MRTFB: variants seen among roughly 807,000 people sequenced by gnomAD.
The protein encoded by MRTFB is myocardin related transcription factor B.
Under a neutral mutation model 104.2 loss-of-function variants are expected in MRTFB, and 29 were observed. The ratio of observed to expected loss-of-function variants is 0.28; its 90% CI spans 0.21 to 0.38. The LOEUF (loss-of-function observed/expected upper bound fraction) is 0.38, where lower values mean the gene tolerates loss of function less well. MRTFB is among the 10% of genes least tolerant of loss of function. The probability of loss-of-function intolerance (pLI) is 1.00; values close to 1 mark genes in which losing one functional copy is unlikely to be tolerated. For synonymous variants in MRTFB, 535 were observed against 519.5 expected (o/e 1.03, Z -0.41); for missense variants, 1,270 against 1,341.6 (o/e 0.95, Z 0.83).
intron 13 of MRTFB, 118 bp downstream of exon 13, chr16:14,249,199 C>G: frequency 3.3e-6 from 4 of 1,210,536 alleles, no homozygotes; most frequent in Non-Finnish European, 4.6e-6. Context: ...TTTCTGTGAT[C>G]CATCTCCCAT....
At chr16:14,063,954 T>C in the MRTFB span, among the ~76,000 whole-genome samples, 9,623 of 152,308 alleles carry the variant, frequency 0.063, 940 homozygotes, top group African/African-American at 0.21. Flanking sequence ...CATGTGTTTT[T>C]ATGGCAGAAT....
chr16:14,152,703 C>G (rs1431789701), intron 3 of MRTFB: 1 of 152,144 alleles, frequency 6.6e-6, no homozygotes, highest in Non-Finnish European at 1.5e-5. Flanking sequence ...GTGGTCTCAT[C>G]TGAAGTCTGT....
chr16:14,210,403 C>A, intron 4 of MRTFB, 95 bp downstream of exon 4: 1 of 889,642 alleles, frequency 1.1e-6, no homozygotes, highest in Non-Finnish European at 1.7e-6. Context: ...TCAGTTGTAT[C>A]CATTTAATCA....
intron 3 of MRTFB, among the ~76,000 whole-genome samples, chr16:14,191,436 T>C (rs1298968423): frequency 1.3e-5 from 2 of 152,212 alleles, no homozygotes; most frequent in Non-Finnish European, 2.9e-5. Context: ...TCTTCTCTCC[T>C]GTATATTCCC....
At chr16:14,076,038 T>G (rs907753724) in intron 1 of MRTFB, among the ~76,000 whole-genome samples, 1 of 152,184 alleles carries the variant, frequency 6.6e-6, no homozygotes, top group Admixed American at 6.5e-5. Context: ...GTCTTTTTTT[T>G]GTATAGATGC....
chr16:14,194,089 C>T (rs1451248421), intron 3 of MRTFB, among the ~76,000 whole-genome samples: 4 of 152,242 alleles, frequency 2.6e-5, no homozygotes, highest in East Asian at 3.9e-4. Context: ...TTGGGTTTTC[C>T]GTTGTTTCCT....
chr16:14,006,114 G>A, the MRTFB span, among the ~76,000 whole-genome samples: 7 of 152,052 alleles, frequency 4.6e-5, no homozygotes, highest in South Asian at 2.1e-4. Context: ...AGGCTGAAGC[G>A]GGTGGATCAC....
At chr16:14,066,048 T>C in the MRTFB span, among the ~76,000 whole-genome samples, 1 of 152,176 alleles carries the variant, frequency 6.6e-6, no homozygotes, top group South Asian at 2.1e-4. Context: ...ATAAATGCCA[T>C]GAAAGCATGG....
chr16:14,251,719 A>T (rs1597380663), intron 13 of MRTFB, 143 bp from the exon 14 acceptor site: 1 of 787,176 alleles, frequency 1.3e-6, no homozygotes, highest in African/African-American at 1.7e-5. Context: ...AACAGAGGCC[A>T]GGTGACCCAC....
At chr16:14,076,383 T>C (rs1328522343) in intron 1 of MRTFB, among the ~76,000 whole-genome samples, 1 of 152,136 alleles carries the variant, frequency 6.6e-6, no homozygotes, top group Non-Finnish European at 1.5e-5. Context: ...TTAGTAGAGA[T>C]GGCGTTTCTC....
chr16:14,033,103 C>A, the MRTFB span, among the ~76,000 whole-genome samples: 13 of 152,066 alleles, frequency 8.5e-5, no homozygotes, highest in African/African-American at 3.1e-4. Context: ...TGGCTCCCAT[C>A]AGGCCCTTGC....
At chr16:14,218,410 CCACACGTTGCCTCTGCCTGATATTTCTG>C (rs1379112156) in intron 7 of MRTFB, among the ~76,000 whole-genome samples, 4 of 152,102 alleles carry the variant, frequency 2.6e-5, no homozygotes, top group Non-Finnish European at 5.9e-5. Context: ...CAAACAAGGT[CCACACGTTGCCTCTGCCTGATATTTCTG>C]TTAAATCTTA....
the MRTFB span, among the ~76,000 whole-genome samples, chr16:14,017,637 A>G: frequency 1.3e-3 from 41 of 31,038 alleles, 3 homozygotes; most frequent in South Asian, 4.1e-3. Context: ...ATATATATAT[A>G]TATGTATATA....
chr16:14,100,398 T>C (rs2035635299), intron 2 of MRTFB, among the ~76,000 whole-genome samples: 1 of 152,216 alleles, frequency 6.6e-6, no homozygotes, highest in Non-Finnish European at 1.5e-5. Flanking sequence ...TAGGGTGAAT[T>C]GTATTGTGTA....
In MRTFB at chr16:14,251,902, A is replaced by T; in HGVS notation, c.2444A>T (p.Tyr815Phe). ...NSASSNTVLPYQRHPAPAVQQ... is the reference protein window; with the variant it reads ...NSASSNTVLPFQRHPAPAVQQ... Reference sequence around the variant, plus strand: ...GCATCATCAAATACAGTTCTTCCATATCAGAGACATCCTGCCCCAGCTGTC... The same window carrying T: ...GCATCATCAAATACAGTTCTTCCATTTCAGAGACATCCTGCCCCAGCTGTC... The change falls in exon 14 of 17, where the codon TAT (tyrosine) becomes TTT (phenylalanine). Residue 815 changes from tyrosine (Y) to phenylalanine (F), a missense_variant. Physicochemically the swap from Tyr to Phe is conservative, Grantham distance 22. Transcript: ENST00000571589. 6.2e-7 allele frequency: 1 copy of T among 1,614,242 alleles called. No individual in the cohort carries two copies. The highest frequency in any genetic ancestry group is 8.5e-7 in the Non-Finnish European group (1 of 1,180,038).
the MRTFB span, among the ~76,000 whole-genome samples, chr16:14,018,117 T>C: frequency 6.6e-6 from 1 of 152,042 alleles, no homozygotes; most frequent in Non-Finnish European, 1.5e-5. Flanking sequence ...TCCATGTGCC[T>C]CCTGAAATCC....
chr16:14,043,827 C>G, the MRTFB span, among the ~76,000 whole-genome samples: 47,031 of 152,152 alleles, frequency 0.31, 8,807 homozygotes, highest in Non-Finnish European at 0.41. Flanking sequence ...GAACCTTGTG[C>G]TAGGCACACG....
the MRTFB span, among the ~76,000 whole-genome samples, chr16:14,028,911 T>G: frequency 6.6e-6 from 1 of 152,110 alleles, no homozygotes; most frequent in Non-Finnish European, 1.5e-5. Flanking sequence ...GTGGAGAAGG[T>G]TGGCCCCAGC....
At chr16:14,215,357 A>T (rs2041370905) in intron 6 of MRTFB, among the ~76,000 whole-genome samples, 1 of 152,196 alleles carries the variant, frequency 6.6e-6, no homozygotes, top group Non-Finnish European at 1.5e-5. Context: ...CTGTATTTTA[A>T]CATTAACCCG....
Sources: gnomAD v4.1 joint callset for allele counts (sites outside exome capture counted in the v4.1 genomes callset) on GRCh38, gnomAD v4.1.1 for gene constraint, MANE v1.5 for transcripts, NCBI Gene and HGNC (gene_info 2026-07-23, HGNC 2026-07-21) for gene names.